CD226: variants seen among roughly 807,000 people sequenced by gnomAD.
CD226 encodes the protein CD226 molecule.
A neutral mutation model predicts 34.9 loss-of-function variants in CD226; 24 were observed. The observed-to-expected ratio is 0.69, with a 90% CI of 0.50 to 0.97. The LOEUF (loss-of-function observed/expected upper bound fraction) is 0.97, where lower values mean the gene tolerates loss of function less well. Among genes scored for constraint, CD226 ranks in the 50% least tolerant of loss-of-function variants. The pLI is 0.00. For synonymous variants in CD226, 148 were observed against 147.4 expected (o/e 1.00, Z -0.03); for missense variants, 397 against 412.7 (o/e 0.96, Z 0.33).
At chr18:69,886,686 A>G (rs536926365) in intron 3 of CD226, among the ~76,000 whole-genome samples, 1 of 152,150 alleles carries the variant, frequency 6.6e-6, no homozygotes, top group East Asian at 1.9e-4. Flanking sequence ...AGCCTGGGCA[A>G]CAGAGTGAGA....
chr18:69,880,010 A>C (rs866086506), intron 3 of CD226, among the ~76,000 whole-genome samples: 7 of 152,348 alleles, frequency 4.6e-5, no homozygotes, highest in Admixed American at 2.0e-4. Flanking sequence ...CGATCTGTGA[A>C]TGTCACCACT....
chr18:69,864,377 A>G lies in CD226; in HGVS notation c.948T>C (p.Asp316=), dbSNP rs1201105885. ...AGTTGACATAAATATCCTCTCTTGT[A>G]TCATCCATGGATTGATTGGTAGGTT... ...TSQPTNQSMD[D]TREDIYVNYP... Residue 316 remains aspartate, a synonymous_variant, in exon 6 of 6, where the codon GAT becomes GAC. Coordinates refer to ENST00000582621, the MANE Select transcript of CD226 (RefSeq NM_001303618.2). The G allele has an allele frequency of 1.1e-5, 18 of 1,613,232 alleles. No homozygotes were observed. Among genetic ancestry groups the G allele is most frequent in the Non-Finnish European group, 1.4e-5 (17 of 1,179,364 alleles).
At chr18:69,890,738 CT>C (rs1984845600) in intron 3 of CD226, among the ~76,000 whole-genome samples, 1 of 152,086 alleles carries the variant, frequency 6.6e-6, no homozygotes, top group Non-Finnish European at 1.5e-5. Context: ...TCAAATCATG[CT>C]GACAGTATCT....
chr18:69,874,243 C>T (rs2145193760), intron 3 of CD226, among the ~76,000 whole-genome samples: 1 of 152,338 alleles, frequency 6.6e-6, no homozygotes, highest in South Asian at 2.1e-4. Context: ...TTCACAAGAA[C>T]AATCAACTGC....
chr18:69,898,773 A>C (rs996435171), intron 2 of CD226, among the ~76,000 whole-genome samples: 2 of 152,202 alleles, frequency 1.3e-5, no homozygotes. Context: ...GTGGCTTCTC[A>C]GACCACAGGC....
chr18:69,864,163 T>C lies in CD226; in HGVS notation c.*151A>G, dbSNP rs1599367201. 7 of 647,110 alleles carry C rather than the reference T, an allele frequency of 1.1e-5. No individual in the cohort carries two copies. The East Asian group carries it at 1.7e-4, about 16-fold the overall frequency. The allele number at this position is 647,110 out of a possible 1,614,324, so 40.1% of individuals were successfully genotyped here. A position where few individuals can be genotyped will look rare whatever the true frequency, so the allele number is the denominator to read the frequency against. Reference sequence around the variant, plus strand: ...TCTGAAACAGTTCTATGAAAAATGATTTTAGGTAATGAAGTATTTTTCCTA... The same window carrying C: ...TCTGAAACAGTTCTATGAAAAATGACTTTAGGTAATGAAGTATTTTTCCTA... On this transcript the variant is annotated 3_prime_UTR_variant, in exon 6 of 6. Coordinates refer to ENST00000582621, the MANE Select transcript of CD226 (RefSeq NM_001303618.2).
At chr18:69,872,097 T>C (rs1426426258) in intron 4 of CD226, among the ~76,000 whole-genome samples, 1 of 140,624 alleles carries the variant, frequency 7.1e-6, no homozygotes, top group African/African-American at 2.6e-5. Context: ...TGTGGTGCAT[T>C]TGGTAACATT....
At chr18:69,898,509 G>A (rs1985429253) in intron 2 of CD226, among the ~76,000 whole-genome samples, 2 of 152,146 alleles carry the variant, frequency 1.3e-5, no homozygotes, top group African/African-American at 4.8e-5. Flanking sequence ...TCCTAGAGGG[G>A]ATGCAGCTGT....
Position 69,856,218 on chromosome 18 carries a change from G to A in CD226, c.*8096C>T, listed in dbSNP as rs1294464302. 6.6e-6 allele frequency: 1 copy of A among 152,150 alleles called. No homozygotes were observed. The highest frequency in any genetic ancestry group is 1.5e-5 in the Non-Finnish European group (1 of 68,004). 9.4% of individuals were successfully genotyped at this position (152,150 alleles called of 1,614,324 possible). ...ATCAAGAATAAAAGGGACATTACAT[G>A]TGGTAAAGGGGTCAATTCTCCAAGA... On this transcript the variant is annotated 3_prime_UTR_variant, in exon 6 of 6. Coordinates refer to ENST00000582621, the MANE Select transcript of CD226 (RefSeq NM_001303618.2).
At chr18:69,950,969 TTTTG>T (rs775178997), upstream of CD226, among the ~76,000 whole-genome samples, 81 of 95,482 alleles carry the variant, frequency 8.5e-4, no homozygotes, top group Non-Finnish European at 1.2e-3. Flanking sequence ...AAAACTATGA[TTTTG>T]TGTGTGTGTG....
At chr18:69,955,595 C>T (rs1016667512) in intron 1 of CD226, among the ~76,000 whole-genome samples, 11 of 152,144 alleles carry the variant, frequency 7.2e-5, no homozygotes, top group Admixed American at 2.6e-4. Flanking sequence ...AGGCCGGGTG[C>T]GGTGGCTCAC....
chr18:69,917,117 A>C (rs887655383), intron 2 of CD226, among the ~76,000 whole-genome samples: 1 of 152,180 alleles, frequency 6.6e-6, no homozygotes, highest in Non-Finnish European at 1.5e-5. Context: ...AATTCTCTAT[A>C]TACATTACAT....
upstream of CD226, among the ~76,000 whole-genome samples, chr18:69,958,919 TG>T (rs1316868040): frequency 1.3e-5 from 2 of 152,138 alleles, no homozygotes; most frequent in African/African-American, 4.8e-5. Flanking sequence ...GGAGGCACAA[TG>T]GAGATACCTT....
At chr18:69,875,826 T>G (rs894561172) in intron 3 of CD226, among the ~76,000 whole-genome samples, 4 of 152,202 alleles carry the variant, frequency 2.6e-5, no homozygotes, top group African/African-American at 9.7e-5. Flanking sequence ...AGACAAATAC[T>G]GTATAATCTC....
intron 4 of CD226, among the ~76,000 whole-genome samples, chr18:69,868,799 G>GCA (rs1305454245): frequency 3.1e-5 from 2 of 64,896 alleles, no homozygotes; most frequent in Non-Finnish European, 7.6e-5. Context: ...ACGTGCGCGT[G>GCA]CACGCACACA....
At chr18:69,949,095 G>A (rs1225687811), upstream of CD226, among the ~76,000 whole-genome samples, 2 of 152,106 alleles carry the variant, frequency 1.3e-5, no homozygotes, top group African/African-American at 2.4e-5. Context: ...AAATGAGACT[G>A]AGTCTGGACT....
chr18:69,951,627 C>T (rs2055854866), upstream of CD226, among the ~76,000 whole-genome samples: 1 of 151,968 alleles, frequency 6.6e-6, no homozygotes, highest in Non-Finnish European at 1.5e-5. Context: ...TCCTGAATAG[C>T]CAAAATGGTA....
upstream of CD226, among the ~76,000 whole-genome samples, chr18:69,949,922 TCAAA>T (rs747343312): frequency 4.0e-5 from 6 of 151,662 alleles, no homozygotes; most frequent in African/African-American, 9.7e-5. Flanking sequence ...ACATATACTC[TCAAA>T]CACACATCCA....
intron 2 of CD226, among the ~76,000 whole-genome samples, chr18:69,912,300 C>G (rs369317498): frequency 1.3e-5 from 2 of 152,296 alleles, no homozygotes; most frequent in East Asian, 3.9e-4. Context: ...GTGTTTCTTT[C>G]ATTTCTTCAT....
Sources: gnomAD v4.1 joint callset for allele counts (sites outside exome capture counted in the v4.1 genomes callset) on GRCh38, gnomAD v4.1.1 for gene constraint, MANE v1.5 for transcripts, NCBI Gene and HGNC (gene_info 2026-07-23, HGNC 2026-07-21) for gene names.